JPH3: variants seen among roughly 807,000 people sequenced by gnomAD.
The protein encoded by JPH3 is junctophilin 3.
A neutral mutation model predicts 59.6 loss-of-function variants in JPH3; 11 were observed. That is an observed-to-expected ratio of 0.18 (90% confidence interval 0.12 to 0.31). The LOEUF is 0.31. Among genes scored for constraint, JPH3 ranks in the 10% least tolerant of loss-of-function variants. The probability of loss-of-function intolerance (pLI) is 1.00; values close to 1 mark genes in which losing one functional copy is unlikely to be tolerated. For synonymous variants in JPH3, 673 were observed against 483.6 expected, an observed-to-expected ratio of 1.39 and a Z score of -5.14; for missense variants, 1,202 against 1,105.7, an observed-to-expected ratio of 1.09 and a Z score of -1.24.
intron 4 of JPH3, chr16:87,694,908 C>T (rs1013579192): frequency 3.6e-5 from 8 of 220,948 alleles, no homozygotes; most frequent in Admixed American, 1.6e-4. Flanking sequence ...CTGTGGCAGC[C>T]GCGGTTGCAC....
At chr16:87,654,814 C>T (rs1016242386) in intron 2 of JPH3, 4 of 152,286 alleles carry the variant, frequency 2.6e-5, no homozygotes, top group African/African-American at 9.6e-5. Context: ...AGATGCTGCT[C>T]CCGTGGGCTC....
chr16:87,676,016 T>C (rs1390869587), intron 2 of JPH3, among the ~76,000 whole-genome samples: 2 of 152,258 alleles, frequency 1.3e-5, no homozygotes, highest in East Asian at 3.8e-4. Context: ...GGAGGGCAGC[T>C]GATGGATATG....
intron 2 of JPH3, among the ~76,000 whole-genome samples, chr16:87,665,807 TG>T (rs1386891614): frequency 6.6e-6 from 1 of 152,226 alleles, no homozygotes; most frequent in Non-Finnish European, 1.5e-5. Flanking sequence ...ATGAGGCCGA[TG>T]GGGCAAAGAC....
intron 1 of JPH3, among the ~76,000 whole-genome samples, chr16:87,640,807 C>G (rs962185857): frequency 1.3e-5 from 2 of 152,350 alleles, no homozygotes; most frequent in East Asian, 3.9e-4. Flanking sequence ...TGTGACAACC[C>G]TGTCCACAGC....
At position 87,696,933 on chromosome 16, in the gene JPH3, T is replaced by A; in HGVS notation, c.*273T>A. 2.2e-6 allele frequency: 1 copy of A among 446,324 alleles called. No homozygotes were observed. The allele number at this position is 446,324 out of a possible 1,614,324, so 27.6% of individuals were successfully genotyped here. A position where few individuals can be genotyped will look rare whatever the true frequency, so the allele number is the denominator to read the frequency against. On this transcript the variant is annotated 3_prime_UTR_variant, in exon 5 of 5. Transcript: ENST00000284262. ...AGCACGCAGCCCCTCCAGCTCCACG[T>A]GGAGACAGAAGGGATCCCGGCACAT...
chr16:87,645,930 C>G (rs1488066593), intron 2 of JPH3, among the ~76,000 whole-genome samples: 1 of 152,214 alleles, frequency 6.6e-6, no homozygotes, highest in Non-Finnish European at 1.5e-5. Flanking sequence ...TTTGTCAAGA[C>G]TTGGGAAGGC....
chr16:87,617,252 C>A (rs1256809259), intron 1 of JPH3, among the ~76,000 whole-genome samples: 2 of 152,090 alleles, frequency 1.3e-5, no homozygotes, highest in Admixed American at 6.5e-5. Context: ...AACCAAAAAA[C>A]CAAATAAAAT....
rs1247619768 is a variant in JPH3 at position 87,696,962 on chromosome 16, T to C, written c.*302T>C. 1.0e-5 allele frequency: 4 copies of C among 397,880 alleles called. 1 individual carries two copies. The East Asian group carries it at 2.2e-4, about 22-fold the overall frequency. 24.6% of individuals were successfully genotyped at this position (397,880 alleles called of 1,614,324 possible). ...GACAGAAGGGATCCCGGCACATCAG[T>C]GGTAACAGCGGACGTTGTCCTCGTG... is the stretch of plus-strand genomic sequence containing the variant. On this transcript the variant is annotated 3_prime_UTR_variant, in exon 5 of 5. Transcript: ENST00000284262.
chr16:87,679,500 G>T (rs1466588538), intron 2 of JPH3, among the ~76,000 whole-genome samples: 2 of 152,194 alleles, frequency 1.3e-5, no homozygotes, highest in Non-Finnish European at 2.9e-5. Flanking sequence ...TAAAATAATT[G>T]CAGGGAGAGA....
intron 1 of JPH3, among the ~76,000 whole-genome samples, chr16:87,637,265 A>G (rs1365724225): frequency 6.6e-6 from 1 of 152,098 alleles, no homozygotes; most frequent in African/African-American, 2.4e-5. Flanking sequence ...CGGGGTTCTG[A>G]TCATCAGCTC....
rs1173397702 is a variant in JPH3 at position 87,659,397 on chromosome 16, A to G, written c.1160+14362A>G. Among the ~76,000 whole-genome samples, 4 of 129,042 alleles carry G rather than the reference A, an allele frequency of 3.1e-5. No homozygotes were observed. In the Admixed American group the frequency reaches 3.3e-4, roughly 11 times the overall value. The allele number at this position is 129,042 out of a possible 152,430, so 84.7% of individuals were successfully genotyped here. A position where few individuals can be genotyped will look rare whatever the true frequency, so the allele number is the denominator to read the frequency against. On this transcript the variant is annotated intron_variant, in intron 2 of 4. Transcript: ENST00000284262. ...CTCAAAAAAAAAAAAGAAAAAAAAAAAGAAAACTACACACACATACACACA... is the reference window on the plus strand; with the variant it reads ...CTCAAAAAAAAAAAAGAAAAAAAAAGAGAAAACTACACACACATACACACA...
intron 2 of JPH3, among the ~76,000 whole-genome samples, chr16:87,653,134 A>T (rs1478792255): frequency 6.6e-6 from 1 of 152,056 alleles, no homozygotes; most frequent in East Asian, 1.9e-4. Context: ...CACATTCTTC[A>T]CACCCAGGCT....
intron 2 of JPH3, among the ~76,000 whole-genome samples, chr16:87,653,315 T>C (rs896121080): frequency 1.1e-4 from 17 of 152,188 alleles, no homozygotes; most frequent in South Asian, 2.1e-4. Context: ...GAGCTGTGCC[T>C]TGGGGCCCCT....
intron 3 of JPH3, among the ~76,000 whole-genome samples, chr16:87,689,417 G>A (rs572674303): frequency 1.8e-4 from 28 of 152,256 alleles, no homozygotes; most frequent in African/African-American, 6.3e-4. Flanking sequence ...TGGTGCCTGG[G>A]CCTAGCCAGT....
chr16:87,655,258 C>G (rs1374720727), intron 2 of JPH3, among the ~76,000 whole-genome samples: 1 of 152,264 alleles, frequency 6.6e-6, no homozygotes, highest in Non-Finnish European at 1.5e-5. Flanking sequence ...GCCAGGCCCT[C>G]CGGCCTCCCT....
chr16:87,680,104 T>A (rs951250385), intron 2 of JPH3, among the ~76,000 whole-genome samples: 3 of 152,234 alleles, frequency 2.0e-5, no homozygotes, highest in African/African-American at 7.2e-5. Flanking sequence ...AAGGCAGGGT[T>A]GCCTTGGCAA....
chr16:87,674,394 G>A (rs2150868542), intron 2 of JPH3, among the ~76,000 whole-genome samples: 1 of 152,348 alleles, frequency 6.6e-6, no homozygotes, highest in African/African-American at 2.4e-5. Flanking sequence ...CAACACTTGT[G>A]TCCAGGTTTC....
intron 1 of JPH3, among the ~76,000 whole-genome samples, chr16:87,634,971 G>A (rs2031686864): frequency 6.6e-6 from 1 of 152,354 alleles, no homozygotes; most frequent in Non-Finnish European, 1.5e-5. Context: ...GAGCTCCCGG[G>A]GTAGTGTGTG....
chr16:87,661,068 A>G (rs977692659), intron 2 of JPH3, among the ~76,000 whole-genome samples: 1 of 152,186 alleles, frequency 6.6e-6, no homozygotes, highest in Non-Finnish European at 1.5e-5. Flanking sequence ...AATTTATAAT[A>G]CATAAGTTTC....
Sources: allele counts gnomAD v4.1 joint callset (sites outside exome capture counted in the v4.1 genomes callset), GRCh38; gene constraint gnomAD v4.1.1; transcripts MANE v1.5; gene names NCBI Gene and HGNC (gene_info 2026-07-23, HGNC 2026-07-21).